PUM1: variants seen among roughly 807,000 people sequenced by gnomAD.
PUM1 encodes pumilio RNA binding family member 1.
In PUM1, 13 loss-of-function variants were observed where a neutral mutation model predicts 131.8. The observed-to-expected ratio is 0.10, with a 90% CI of 0.06 to 0.16. The LOEUF is 0.16. Among genes scored for constraint, PUM1 ranks in the 10% least tolerant of loss-of-function variants. PUM1 has a pLI of 1.00. For synonymous variants in PUM1, 509 were observed against 556.5 expected (o/e 0.91, Z 1.20); for missense variants, 961 against 1,512.4 (o/e 0.64, Z 6.05).
intron 8 of PUM1, 146 bp downstream of exon 8, chr1:30,981,166 G>A (rs1028059221): frequency 6.3e-6 from 3 of 475,792 alleles, no homozygotes; most frequent in African/African-American, 6.0e-5. Context: ...GGAGACAACT[G>A]GACAAAAGGA....
chr1:30,968,217 T>G (rs1464671985), intron 11 of PUM1, 137 bp downstream of exon 11: 2 of 1,141,766 alleles, frequency 1.8e-6, no homozygotes, highest in African/African-American at 3.0e-5. Context: ...TGAGGGCAAG[T>G]GTGTATCATC....
chr1:31,055,786 A>C (rs1158078091), intron 2 of PUM1, among the ~76,000 whole-genome samples: 1 of 152,194 alleles, frequency 6.6e-6, no homozygotes, highest in Non-Finnish European at 1.5e-5. Context: ...TAACTTGCAC[A>C]GCAATAATCA....
At chr1:30,976,058 A>C (rs1641125031) in intron 9 of PUM1, among the ~76,000 whole-genome samples, 4 of 149,730 alleles carry the variant, frequency 2.7e-5, no homozygotes, top group South Asian at 2.1e-4. Flanking sequence ...ACTGCACTCC[A>C]GCCTGGGCAA....
chr1:30,964,630 G>A lies in PUM1; in HGVS notation c.2323+44C>T, dbSNP rs545666442. 55 of 1,508,618 alleles carry A rather than the reference G, an allele frequency of 3.6e-5. No homozygotes were observed. The South Asian group carries it at 6.2e-4, about 17-fold the overall frequency. 93.5% of individuals were successfully genotyped at this position (1,508,618 alleles called of 1,614,324 possible). ...GTTCTTGTAATGTCATCGGTGGCAA[G>A]AGAGTTCTAGAGTTCAAGGTGGTGT... On this transcript the variant is annotated intron_variant, in intron 14 of 21. Transcript: ENST00000426105.
intron 3 of PUM1, among the ~76,000 whole-genome samples, chr1:31,013,127 CAG>C (rs1281137578): frequency 4.6e-5 from 7 of 152,310 alleles, no homozygotes. Context: ...CTATCAGACA[CAG>C]TGATCATGGC....
At chr1:31,012,470 A>G (rs1642654743) in intron 3 of PUM1, among the ~76,000 whole-genome samples, 1 of 151,576 alleles carries the variant, frequency 6.6e-6, no homozygotes, top group East Asian at 1.9e-4. Context: ...GTGCTCTCAA[A>G]TCTCTGGGAG....
At chr1:30,940,649 G>A (rs1639408659) in intron 20 of PUM1, among the ~76,000 whole-genome samples, 1 of 152,142 alleles carries the variant, frequency 6.6e-6, no homozygotes, top group East Asian at 1.9e-4. Context: ...ACATGGAAGG[G>A]CCATTGATTC....
At chr1:30,999,021 G>C (rs1642087126) in intron 5 of PUM1, among the ~76,000 whole-genome samples, 1 of 148,666 alleles carries the variant, frequency 6.7e-6, no homozygotes, top group African/African-American at 2.6e-5. Context: ...TTGTTTTTGA[G>C]ACAGGGTCTC....
At chr1:31,004,982 A>T (rs1254288910) in intron 5 of PUM1, among the ~76,000 whole-genome samples, 1 of 152,244 alleles carries the variant, frequency 6.6e-6, no homozygotes, top group Non-Finnish European at 1.5e-5. Context: ...GAAAAAGTAC[A>T]AAACAAGTTT....
intron 14 of PUM1, among the ~76,000 whole-genome samples, chr1:30,955,853 C>T (rs1312231122): frequency 5.3e-5 from 8 of 152,200 alleles, no homozygotes; most frequent in Admixed American, 5.2e-4. Context: ...TGACTCAATG[C>T]AGAAATTTGT....
intron 7 of PUM1, among the ~76,000 whole-genome samples, chr1:30,991,300 A>T (rs1369211915): frequency 6.6e-6 from 1 of 152,198 alleles, no homozygotes; most frequent in Non-Finnish European, 1.5e-5. Flanking sequence ...TCTCTCTGAA[A>T]GATATTTTGT....
chr1:30,969,895 ACAAG>A lies in PUM1; in HGVS notation c.1507-1407_1507-1404del, dbSNP rs1640803942. Among the ~76,000 whole-genome samples, 3 of 152,316 alleles carry A rather than the reference ACAAG, an allele frequency of 2.0e-5. No homozygotes were observed. In the South Asian group the frequency reaches 6.2e-4, roughly 32 times the overall value. On this transcript the variant is annotated intron_variant, in intron 10 of 21. Coordinates refer to ENST00000426105, the MANE Select transcript of PUM1 (RefSeq NM_001020658.2). ...TCAGGCTAATCTCTAACTCCTGGGCACAAGCAATCCACCTGCCTTGGCCTGCCAA... is the reference window on the plus strand; with the variant it reads ...TCAGGCTAATCTCTAACTCCTGGGCACAATCCACCTGCCTTGGCCTGCCAA...
intron 7 of PUM1, among the ~76,000 whole-genome samples, chr1:30,983,379 G>C (rs1641426868): frequency 6.6e-6 from 1 of 152,128 alleles, no homozygotes; most frequent in Admixed American, 6.5e-5. Context: ...ATATCAGCTT[G>C]TGCTAGCTGC....
At chr1:30,945,320 CATT>C in intron 18 of PUM1, 23 bp downstream of exon 18, 1 of 1,611,212 alleles carries the variant, frequency 6.2e-7, no homozygotes, top group Non-Finnish European at 8.5e-7. Flanking sequence ...AATTTGTTTC[CATT>C]ATTTCTCTCC....
intron 3 of PUM1, among the ~76,000 whole-genome samples, chr1:31,011,164 TACACACACACAC>T (rs138764103): frequency 2.5e-4 from 36 of 143,080 alleles, no homozygotes; most frequent in Non-Finnish European, 4.0e-4. Flanking sequence ...TCTCTTAAAA[TACACACACACAC>T]ACACACACAC....
chr1:31,054,609 G>A (rs1557607928), intron 2 of PUM1, among the ~76,000 whole-genome samples: 1 of 148,036 alleles, frequency 6.8e-6, no homozygotes, highest in Non-Finnish European at 1.5e-5. Context: ...TTTATATTGA[G>A]TCATTCTGTC....
rs770398355 is a variant in PUM1, at chr1:30,953,884, C to T, written c.2421G>A (p.Pro807=). Residue 807 remains proline (P), a synonymous_variant, in exon 15 of 22, where the codon CCG becomes CCA. Coordinates refer to ENST00000426105, the MANE Select transcript of PUM1 (RefSeq NM_001020658.2). ...GAGAGGAAGAGAAAAGAGTGCTGCT[C>T]GGGCTGAAGAGGCTGGAGGCGCTGC... The part of the protein sequence containing the change: ...SASSASSLFS[P]SSTLFSSSRL... 10 of 1,614,074 alleles carry T rather than the reference C, an allele frequency of 6.2e-6. No individual in the cohort carries two copies. In the African/African-American group the frequency reaches 8.0e-5, roughly 13 times the overall value.
intron 2 of PUM1, among the ~76,000 whole-genome samples, chr1:31,054,333 T>TAAAAAG (rs960135205): frequency 1.1e-4 from 16 of 151,264 alleles, no homozygotes; most frequent in Middle Eastern, 3.4e-3. Flanking sequence ...TCTCAATAAA[T>TAAAAAG]AAAAAGAAAA....
intron 2 of PUM1, among the ~76,000 whole-genome samples, chr1:31,036,470 C>T (rs1226581768): frequency 1.3e-5 from 2 of 152,234 alleles, no homozygotes; most frequent in Middle Eastern, 3.4e-3. Context: ...CCAGTACTTT[C>T]GAGGCCAAGG....
Sources: allele counts gnomAD v4.1 joint callset (sites outside exome capture counted in the v4.1 genomes callset), GRCh38; gene constraint gnomAD v4.1.1; transcripts MANE v1.5; gene names NCBI Gene and HGNC (gene_info 2026-07-23, HGNC 2026-07-21).